Variants in SLIT3 observed in about 807,000 individuals in gnomAD.
SLIT3 encodes the protein slit homolog 3 protein.
SLIT3 carries 68 observed loss-of-function variants against 184.0 expected under a neutral mutation model. The observed-to-expected ratio is 0.37, with a 90% CI of 0.30 to 0.45. SLIT3 has a LOEUF of 0.45. Ranked by LOEUF, SLIT3 falls within the 20% of genes least tolerant of loss-of-function variation. SLIT3 has a pLI of 1.00. For missense variants in SLIT3, 1,707 were observed against 2,026.0 expected (o/e 0.84, Z 3.02); for synonymous variants, 831 against 828.6 (o/e 1.00, Z -0.05).
intron 4 of SLIT3, among the ~76,000 whole-genome samples, chr5:169,019,383 A>G (rs908063458): frequency 2.0e-5 from 3 of 152,274 alleles, no homozygotes; most frequent in African/African-American, 7.2e-5. Context: ...GTTGCTAGTT[A>G]TAAGTTAGAG....
intron 14 of SLIT3, among the ~76,000 whole-genome samples, chr5:168,767,560 T>TTTCATGGGG (rs1242833275): frequency 3.9e-5 from 6 of 152,164 alleles, no homozygotes; most frequent in African/African-American, 1.4e-4. Context: ...GGACTTTAGG[T>TTTCATGGGG]TTCATGGGGT....
intron 4 of SLIT3, among the ~76,000 whole-genome samples, chr5:168,970,380 A>T (rs1397700850): frequency 6.6e-6 from 1 of 151,828 alleles, no homozygotes. Context: ...CTGTAGTCCC[A>T]GCTACGCGGG....
At chr5:168,677,638 G>A (rs1263987820) in intron 32 of SLIT3, among the ~76,000 whole-genome samples, 2 of 152,124 alleles carry the variant, frequency 1.3e-5, no homozygotes, top group Non-Finnish European at 2.9e-5. Context: ...TAGTAGAGAT[G>A]GGGTTTTGCC....
At chr5:168,673,760 ACCC>A (rs1463228285) in intron 32 of SLIT3, among the ~76,000 whole-genome samples, 3 of 152,200 alleles carry the variant, frequency 2.0e-5, no homozygotes, top group African/African-American at 7.2e-5. Flanking sequence ...TCTGCATTGG[ACCC>A]AATACTGTCC....
intron 4 of SLIT3, among the ~76,000 whole-genome samples, chr5:168,923,561 G>A (rs1761710471): frequency 6.8e-6 from 1 of 148,144 alleles, no homozygotes; most frequent in Admixed American, 6.8e-5. Context: ...CTGTTGCCCA[G>A]GCTGGAGTGC....
intron 4 of SLIT3, among the ~76,000 whole-genome samples, chr5:168,992,849 G>A (rs1410862569): frequency 6.6e-6 from 1 of 152,198 alleles, no homozygotes; most frequent in Non-Finnish European, 1.5e-5. Flanking sequence ...CAAATCCCAG[G>A]TGCATTAGCA....
chr5:168,862,129 C>A (rs559527731), intron 5 of SLIT3, among the ~76,000 whole-genome samples: 5 of 152,258 alleles, frequency 3.3e-5, no homozygotes, highest in African/African-American at 1.2e-4. Flanking sequence ...AAGGCTAACA[C>A]TGGGTCAAAG....
rs140385141 is a variant in SLIT3, at chr5:168,667,940, T to G, written c.4337-1251A>C. The stretch of plus-strand genomic sequence containing the variant: ...ACTGGGGTGAAGGGATTAAGCTGTT[T>G]ATACTGTCCTGACAGTTTTTCTGTA... On this transcript the variant is annotated intron_variant, in intron 35 of 35. Coordinates refer to ENST00000519560, the MANE Select transcript of SLIT3 (RefSeq NM_003062.4). Among the ~76,000 whole-genome samples, 308 of 152,328 alleles carry G rather than the reference T, an allele frequency of 2.0e-3. 1 individual carries two copies. Among genetic ancestry groups the G allele is most frequent in the African/African-American group, 7.1e-3 (295 of 41,568 alleles).
rs973112195 is a variant in SLIT3 at position 168,753,976 on chromosome 5, G to T, written c.1717C>A (p.Arg573=). Residue 573 remains arginine (R), a synonymous_variant, in exon 17 of 36, where the codon CGA becomes AGA. Coordinates refer to ENST00000519560, the MANE Select transcript of SLIT3 (RefSeq NM_003062.4). ...NLSNNKIKEV[R]EGAFDGAASV... is the part of the protein sequence containing the mutation. ...GCTGCTCCATCGAAAGCTCCCTCTC[G>T]CACCTCCTTGATCTTATTGTTACTC... is the stretch of plus-strand genomic sequence containing the variant. 2.5e-5 allele frequency: 40 copies of T among 1,603,778 alleles called. No individual in the cohort carries two copies. The highest frequency in any genetic ancestry group is 3.4e-5 in the Non-Finnish European group (40 of 1,177,292).
chr5:168,738,528 T>A (rs1763508813), intron 20 of SLIT3, among the ~76,000 whole-genome samples: 2 of 152,222 alleles, frequency 1.3e-5, no homozygotes, highest in South Asian at 4.1e-4. Flanking sequence ...GCTTTTACAT[T>A]TTTTCATGGA....
At chr5:169,015,527 T>C (rs538051139) in intron 4 of SLIT3, among the ~76,000 whole-genome samples, 2 of 152,314 alleles carry the variant, frequency 1.3e-5, no homozygotes, top group Admixed American at 6.5e-5. Flanking sequence ...CTGTGTAACT[T>C]TGCACAATTA....
chr5:168,814,734 G>A (rs990186474), intron 8 of SLIT3, among the ~76,000 whole-genome samples: 10 of 152,286 alleles, frequency 6.6e-5, no homozygotes, highest in South Asian at 6.2e-4. Flanking sequence ...AAAAGTATTC[G>A]CAGTTTTTGC....
intron 13 of SLIT3, among the ~76,000 whole-genome samples, chr5:168,773,381 G>T (rs951119462): frequency 3.9e-5 from 6 of 152,128 alleles, no homozygotes; most frequent in Admixed American, 6.5e-5. Context: ...ATAGTAGCGG[G>T]TATTGTTGTA....
At chr5:169,020,912 T>C (rs947325769) in intron 4 of SLIT3, among the ~76,000 whole-genome samples, 3 of 152,228 alleles carry the variant, frequency 2.0e-5, no homozygotes, top group Admixed American at 2.0e-4. Flanking sequence ...TAGAGCAAGA[T>C]AACCCTTCCT....
At chr5:169,281,659 A>C (rs1335715594) in intron 1 of SLIT3, among the ~76,000 whole-genome samples, 1 of 152,210 alleles carries the variant, frequency 6.6e-6, no homozygotes, top group Non-Finnish European at 1.5e-5. Flanking sequence ...AGTCGTTATT[A>C]CTGTTACTAT....
chr5:168,775,434 G>A (rs560524119), intron 12 of SLIT3, among the ~76,000 whole-genome samples: 48 of 152,118 alleles, frequency 3.2e-4, no homozygotes, highest in Non-Finnish European at 6.2e-4. Flanking sequence ...TTCTTTTCCT[G>A]CTTTCCACTG....
At chr5:169,016,824 A>G (rs1165984094) in intron 4 of SLIT3, among the ~76,000 whole-genome samples, 3 of 152,250 alleles carry the variant, frequency 2.0e-5, no homozygotes, top group African/African-American at 4.8e-5. Flanking sequence ...CACTTAATAC[A>G]ACATTAGGAA....
chr5:169,014,455 C>T (rs555507733), intron 4 of SLIT3, among the ~76,000 whole-genome samples: 2 of 152,312 alleles, frequency 1.3e-5, no homozygotes, highest in Admixed American at 6.5e-5. Flanking sequence ...AGAATAGCCA[C>T]AGCCAGGGCT....
At chr5:169,105,156 C>T (rs1233367925) in intron 4 of SLIT3, among the ~76,000 whole-genome samples, 2 of 152,176 alleles carry the variant, frequency 1.3e-5, no homozygotes, top group Non-Finnish European at 2.9e-5. Flanking sequence ...TTTGTTTTCT[C>T]ATGGCTCGTG....
Sources: gnomAD v4.1 joint callset for allele counts (sites outside exome capture counted in the v4.1 genomes callset) on GRCh38, gnomAD v4.1.1 for gene constraint, MANE v1.5 for transcripts, NCBI Gene and HGNC (gene_info 2026-07-23, HGNC 2026-07-21) for gene names.